PDLIM5: variants seen among roughly 807,000 people sequenced by gnomAD.
The protein encoded by PDLIM5 is PDZ and LIM domain protein 5.
PDLIM5 carries 34 observed loss-of-function variants against 64.2 expected under a neutral mutation model. The ratio of observed to expected loss-of-function variants is 0.53; its 90% CI spans 0.40 to 0.71. The LOEUF is 0.71. PDLIM5 is among the 30% of genes least tolerant of loss of function. The pLI, the probability that PDLIM5 is intolerant of heterozygous loss-of-function variation, is 0.00. For synonymous variants in PDLIM5, 253 were observed against 269.1 expected (o/e 0.94, Z 0.59); for missense variants, 683 against 733.6 (o/e 0.93, Z 0.80).
chr4:94,536,409 T>G (rs1731321841), intron 3 of PDLIM5, among the ~76,000 whole-genome samples: 1 of 152,170 alleles, frequency 6.6e-6, no homozygotes, highest in Non-Finnish European at 1.5e-5. Context: ...AATTTCAGTT[T>G]TAAAATGAGA....
chr4:94,653,017 TTAAA>T (rs1741958981), intron 9 of PDLIM5, among the ~76,000 whole-genome samples: 1 of 152,132 alleles, frequency 6.6e-6, no homozygotes, highest in Non-Finnish European at 1.5e-5. Context: ...TGTCAGAATT[TTAAA>T]AATGCTGTGA....
chr4:94,587,848 G>C (rs979582769), intron 7 of PDLIM5: 1 of 836,288 alleles, frequency 1.2e-6, no homozygotes, highest in African/African-American at 1.8e-5. Context: ...AATAAGATAT[G>C]GAAAAGATAG....
intron 2 of PDLIM5, among the ~76,000 whole-genome samples, chr4:94,472,683 C>T (rs1724986092): frequency 6.6e-6 from 1 of 152,094 alleles, no homozygotes; most frequent in Non-Finnish European, 1.5e-5. Flanking sequence ...GGATGAGTGC[C>T]TCCCTAAATG....
At chr4:94,611,570 A>G (rs1413573720) in intron 7 of PDLIM5, among the ~76,000 whole-genome samples, 3 of 152,234 alleles carry the variant, frequency 2.0e-5, no homozygotes, top group Non-Finnish European at 2.9e-5. Context: ...AATGAAAATG[A>G]TAATGATCAA....
intron 3 of PDLIM5, among the ~76,000 whole-genome samples, chr4:94,547,366 C>T (rs368410391): frequency 6.6e-6 from 1 of 152,082 alleles, no homozygotes; most frequent in African/African-American, 2.4e-5. Flanking sequence ...CATTCCTTGA[C>T]TTGCATTGTT....
chr4:94,467,437 C>T (rs1248362522), intron 2 of PDLIM5, among the ~76,000 whole-genome samples: 1 of 152,022 alleles, frequency 6.6e-6, no homozygotes, highest in Non-Finnish European at 1.5e-5. Flanking sequence ...CCTCAGCCTC[C>T]TGAGTAGCTG....
chr4:94,608,190 C>T lies in PDLIM5; in HGVS notation c.921-9814C>T. Reference sequence around the variant, plus strand: ...ACTACTTATTCTAGGTAGACTCTTCCTTCTTGGTGTTTCTAAATTTCAAAG... The same window carrying T: ...ACTACTTATTCTAGGTAGACTCTTCTTTCTTGGTGTTTCTAAATTTCAAAG... On this transcript the variant is annotated intron_variant, in intron 7 of 12. Transcript: ENST00000317968. The T allele has an allele frequency of 2.6e-6, 4 of 1,514,290 alleles. No individual in the cohort carries two copies. The South Asian group carries it at 4.9e-5, about 19-fold the overall frequency. The allele number at this position is 1,514,290 out of a possible 1,614,324, so 93.8% of individuals were successfully genotyped here.
At chr4:94,452,822 A>G (rs932297527) in intron 1 of PDLIM5, among the ~76,000 whole-genome samples, 2 of 152,126 alleles carry the variant, frequency 1.3e-5, no homozygotes, top group African/African-American at 4.8e-5. Flanking sequence ...TGCCACGGAA[A>G]CGGCCCGTTC....
At chr4:94,618,905 G>A (rs1053015209) in intron 8 of PDLIM5, among the ~76,000 whole-genome samples, 1 of 152,142 alleles carries the variant, frequency 6.6e-6, no homozygotes, top group Non-Finnish European at 1.5e-5. Flanking sequence ...CTTAAATGTT[G>A]CTAATCTCAG....
chr4:94,619,823 A>G (rs1350721409), intron 8 of PDLIM5, among the ~76,000 whole-genome samples: 1 of 152,030 alleles, frequency 6.6e-6, no homozygotes, highest in African/African-American at 2.4e-5. Flanking sequence ...GAATATCACT[A>G]TATTGCCCAG....
chr4:94,579,118 G>A (rs1362771194), intron 5 of PDLIM5: 1 of 153,790 alleles, frequency 6.5e-6, no homozygotes, highest in East Asian at 1.9e-4. Context: ...TTAATAGTCT[G>A]TAAGCATTCC....
intron 2 of PDLIM5, among the ~76,000 whole-genome samples, chr4:94,458,855 T>C (rs770609066): frequency 2.6e-5 from 4 of 152,198 alleles, no homozygotes; most frequent in Non-Finnish European, 4.4e-5. Flanking sequence ...GTATACTGTT[T>C]TGTTGGTGGA....
At chr4:94,627,405 T>C (rs1739786155) in intron 8 of PDLIM5, among the ~76,000 whole-genome samples, 1 of 152,244 alleles carries the variant, frequency 6.6e-6, no homozygotes, top group African/African-American at 2.4e-5. Flanking sequence ...AGCTGTTCTT[T>C]CTCCCCATTT....
chr4:94,482,958 T>A (rs929778054), intron 2 of PDLIM5, among the ~76,000 whole-genome samples: 2 of 152,194 alleles, frequency 1.3e-5, no homozygotes, highest in African/African-American at 4.8e-5. Flanking sequence ...ATGTTAAGAT[T>A]AAAAATTATT....
chr4:94,550,448 T>C (rs1010608223), intron 3 of PDLIM5, among the ~76,000 whole-genome samples: 3 of 152,236 alleles, frequency 2.0e-5, no homozygotes, highest in Non-Finnish European at 4.4e-5. Context: ...AAAATTATTT[T>C]AAGCTCTATC....
At chr4:94,545,447 G>A (rs1309223685) in intron 3 of PDLIM5, among the ~76,000 whole-genome samples, 4 of 152,082 alleles carry the variant, frequency 2.6e-5, no homozygotes, top group Non-Finnish European at 5.9e-5. Flanking sequence ...GGGGAAAAAA[G>A]GATCATTTCT....
chr4:94,564,108 C>T (rs1358720545), intron 3 of PDLIM5, among the ~76,000 whole-genome samples: 1 of 151,658 alleles, frequency 6.6e-6, no homozygotes, highest in African/African-American at 2.4e-5. Context: ...GGACTACAGG[C>T]GTGCGCCACC....
At chr4:94,634,630 T>A (rs73834226) in intron 8 of PDLIM5, among the ~76,000 whole-genome samples, 1 of 152,154 alleles carries the variant, frequency 6.6e-6, no homozygotes, top group Non-Finnish European at 1.5e-5. Context: ...ATCAACTGAT[T>A]AACTTCATGC....
intron 2 of PDLIM5, among the ~76,000 whole-genome samples, chr4:94,505,985 A>G (rs1728359798): frequency 6.6e-6 from 1 of 152,136 alleles, no homozygotes; most frequent in South Asian, 2.1e-4. Flanking sequence ...TCCCAAACTT[A>G]TCATGCCTTG....
Sources: allele counts gnomAD v4.1 joint callset (sites outside exome capture counted in the v4.1 genomes callset), GRCh38; gene constraint gnomAD v4.1.1; transcripts MANE v1.5; gene names NCBI Gene and HGNC (gene_info 2026-07-23, HGNC 2026-07-21).